LNPEP: variants seen among roughly 807,000 people sequenced by gnomAD.
LNPEP encodes the protein leucyl-cystinyl aminopeptidase.
In LNPEP, 64 loss-of-function variants were observed where a neutral mutation model predicts 120.6. The ratio of observed to expected loss-of-function variants is 0.53; its 90% confidence interval spans 0.43 to 0.65. The LOEUF (loss-of-function observed/expected upper bound fraction) is 0.65. Among genes scored for constraint, LNPEP ranks in the 30% least tolerant of loss-of-function variants. The pLI is 0.00. For missense variants in LNPEP, 1,057 were observed against 1,200.0 expected (o/e 0.88, Z 1.76); for synonymous variants, 435 against 425.4 (o/e 1.02, Z -0.28).
rs559815345 is a variant in LNPEP at position 96,970,141 on chromosome 5, G to C, written c.20-8997G>C. On this transcript the variant is annotated intron_variant, in intron 1 of 17. Transcript: ENST00000231368. ...TTCCATCTTGGTGAATGTTTCATAT[G>C]TATTTCTGCAGTTGTTTGATTTTAT... Among the ~76,000 whole-genome samples, 52 of 151,934 alleles carry C rather than the reference G, an allele frequency of 3.4e-4. 1 individual carries two copies. The South Asian group carries it at 0.01, about 30-fold the overall frequency.
intron 1 of LNPEP, among the ~76,000 whole-genome samples, chr5:96,950,208 A>G (rs1160857723): frequency 1.3e-5 from 2 of 152,200 alleles, no homozygotes; most frequent in African/African-American, 4.8e-5. Flanking sequence ...TTTCAAAATC[A>G]ACATTAAAGA....
At chr5:97,026,536 C>A in intron 15 of LNPEP, 81 bp from the exon 16 acceptor site, 1 of 1,101,302 alleles carries the variant, frequency 9.1e-7, no homozygotes, top group Non-Finnish European at 1.3e-6. Flanking sequence ...AATTAGGAAA[C>A]CATACTAATT....
At chr5:97,008,337 GTTTTTTTTTTTTTTTTT>G (rs781727347) in intron 11 of LNPEP, among the ~76,000 whole-genome samples, 2 of 59,824 alleles carry the variant, frequency 3.3e-5, no homozygotes, top group African/African-American at 7.5e-5. Flanking sequence ...GTTTTTTCTT[GTTTTTTTTTTTTTTTTT>G]TTTTTTTTTT....
chr5:97,025,874 T>C (rs1304149197), intron 15 of LNPEP, among the ~76,000 whole-genome samples: 1 of 152,224 alleles, frequency 6.6e-6, no homozygotes, highest in East Asian at 1.9e-4. Flanking sequence ...GGCCCTATCA[T>C]AATTTATTTA....
intron 3 of LNPEP, among the ~76,000 whole-genome samples, chr5:96,985,970 A>G (rs918950935): frequency 2.6e-5 from 4 of 152,124 alleles, no homozygotes; most frequent in African/African-American, 9.7e-5. Flanking sequence ...ATCTTTCTCT[A>G]AAGAGGCAGA....
At chr5:96,954,612 CTCTCTCTA>C (rs1185111515) in intron 1 of LNPEP, among the ~76,000 whole-genome samples, 2 of 104,878 alleles carry the variant, frequency 1.9e-5, no homozygotes, top group Non-Finnish European at 4.3e-5. Flanking sequence ...CTCTCTCTCT[CTCTCTCTA>C]TATATATATA....
intron 1 of LNPEP, among the ~76,000 whole-genome samples, chr5:96,949,640 T>A (rs1301686801): frequency 6.6e-6 from 1 of 152,220 alleles, no homozygotes; most frequent in Non-Finnish European, 1.5e-5. Context: ...CATGGTGCCT[T>A]CAAGAAAATG....
chr5:97,019,364 A>AT (rs1791136579), intron 13 of LNPEP, among the ~76,000 whole-genome samples: 12 of 152,182 alleles, frequency 7.9e-5, no homozygotes, highest in Admixed American at 7.9e-4. Flanking sequence ...TTTGAAGCAC[A>AT]TGCTATGCCT....
At position 97,013,656 on chromosome 5, in the gene LNPEP, A is replaced by G; in HGVS notation, c.2044A>G (p.Asn682Asp). Residue 682 changes from asparagine to aspartate, a missense_variant, in exon 12 of 18, where the codon AAT becomes GAT. Asn to Asp is a conservative substitution (Grantham distance 23). Coordinates refer to ENST00000231368, the MANE Select transcript of LNPEP (RefSeq NM_005575.3). ...TTTTTGGTTTCCATTAGGTGTCATCAATCTTACAGAAGAAGTGCTGTGGGT... is the reference window on the plus strand; with the variant it reads ...TTTTTGGTTTCCATTAGGTGTCATCGATCTTACAGAAGAAGTGCTGTGGGT... ...SLLDKKSGVI[N>D]LTEEVLWVKV... 1 of 1,529,372 alleles carries G rather than the reference A, an allele frequency of 6.5e-7. No homozygotes were observed. Among genetic ancestry groups the G allele is most frequent in the Non-Finnish European group, 8.8e-7 (1 of 1,137,180 alleles). The allele number at this position is 1,529,372 out of a possible 1,614,324, so 94.7% of individuals were successfully genotyped here.
At chr5:96,936,198 G>C (rs1337708053) in intron 1 of LNPEP, 24 bp downstream of exon 1, 2 of 1,431,656 alleles carry the variant, frequency 1.4e-6, no homozygotes, top group South Asian at 1.4e-5. Context: ...CGAGGCGCCG[G>C]GACCCGGGCT....
In LNPEP at chr5:97,006,065, T is replaced by TA. The variant is rs781545637; in HGVS notation, c.1786-8_1786-7insA. On this transcript the variant is annotated splice_polypyrimidine_tract_variant and splice_region_variant and intron_variant, in intron 9 of 17. Transcript: ENST00000231368. ...AAAGTTTTATATATATATATATATATTTTGTAGGTCACAAACCAAACACTA... is the reference window on the plus strand; with the variant it reads ...AAAGTTTTATATATATATATATATATATTTGTAGGTCACAAACCAAACACTA... 38 of 1,199,118 alleles carry TA rather than the reference T, an allele frequency of 3.2e-5. No homozygotes were observed. Among genetic ancestry groups the TA allele is most frequent in the Non-Finnish European group, 3.6e-5 (32 of 896,808 alleles). The allele number at this position is 1,199,118 out of a possible 1,614,324, so 74.3% of individuals were successfully genotyped here.
Position 96,940,926 on chromosome 5 carries a change from A to C in LNPEP, c.19+4752A>C, listed in dbSNP as rs576029331. ...GTATGTATACTTTCTAGTTTGTGAT[A>C]TATTCTAAAGGGGAGAAGGTTTGGG... On this transcript the variant is annotated intron_variant, in intron 1 of 17. Transcript: ENST00000231368. Among the ~76,000 whole-genome samples, 83 of 152,312 alleles carry C rather than the reference A, an allele frequency of 5.4e-4. No individual in the cohort carries two copies. In the South Asian group the frequency reaches 0.017, roughly 31 times the overall value.
chr5:97,022,264 A>G (rs368683471), intron 13 of LNPEP, 36 bp from the exon 14 acceptor site: 10 of 1,268,870 alleles, frequency 7.9e-6, no homozygotes, highest in Non-Finnish European at 1.1e-5. Flanking sequence ...TGTCCTAATT[A>G]TTATGAAGCC....
rs1174636874 is a variant in LNPEP, at chr5:97,035,910, G to T, written c.*7377G>T. The T allele has an allele frequency of 6.6e-6, 1 of 152,198 alleles. No individual in the cohort carries two copies. The highest frequency in any genetic ancestry group is 1.5e-5 in the Non-Finnish European group (1 of 68,028). 9.4% of individuals were successfully genotyped at this position (152,198 alleles called of 1,614,324 possible). On this transcript the variant is annotated 3_prime_UTR_variant, in exon 18 of 18. Coordinates refer to ENST00000231368, the MANE Select transcript of LNPEP (RefSeq NM_005575.3). ...ATGTTGATTCAGATTGAATGAGGTAGTGAAAAGGGACCTGTGCTTTTGTAA... is the reference window on the plus strand; with the variant it reads ...ATGTTGATTCAGATTGAATGAGGTATTGAAAAGGGACCTGTGCTTTTGTAA...
intron 1 of LNPEP, 99 bp downstream of exon 1, chr5:96,936,273 A>G (rs1788864887): frequency 9.7e-7 from 1 of 1,036,064 alleles, no homozygotes; most frequent in Non-Finnish European, 1.3e-6. Context: ...CGTCTCCCCC[A>G]ACACCGCGGG....
chr5:97,029,680 CTTTGAA>C lies in LNPEP; in HGVS notation c.*1151_*1156del, dbSNP rs146701848. The stretch of plus-strand genomic sequence containing the variant: ...TTGAATTCGTGTTTAGTATGGTGGG[CTTTGAA>C]TTTTTTTCACTATCAAAAATAGTGC... On this transcript the variant is annotated 3_prime_UTR_variant, in exon 18 of 18. Transcript: ENST00000231368. 706 of 152,160 alleles carry C rather than the reference CTTTGAA, an allele frequency of 4.6e-3. 4 individuals are homozygous for C. Among genetic ancestry groups the C allele is most frequent in the African/African-American group, 0.016 (680 of 41,504 alleles). 9.4% of individuals were successfully genotyped at this position (152,160 alleles called of 1,614,324 possible). A position where few individuals can be genotyped will look rare whatever the true frequency, so the allele number is the denominator to read the frequency against.
chr5:97,015,899 CA>C (rs886572856), intron 13 of LNPEP, among the ~76,000 whole-genome samples: 5 of 152,046 alleles, frequency 3.3e-5, no homozygotes, highest in Admixed American at 1.3e-4. Context: ...ATTTTTTTAA[CA>C]TTTTTTTTAT....
At chr5:96,949,932 C>T (rs1789285800) in intron 1 of LNPEP, among the ~76,000 whole-genome samples, 1 of 152,206 alleles carries the variant, frequency 6.6e-6, no homozygotes, top group Non-Finnish European at 1.5e-5. Flanking sequence ...CCCTCCCTCC[C>T]TCCTTTCCTT....
intron 11 of LNPEP, chr5:97,010,405 C>T (rs1414301992): frequency 1.0e-6 from 1 of 984,122 alleles, no homozygotes; most frequent in Non-Finnish European, 1.2e-6. Flanking sequence ...AAATATTTAT[C>T]ATGTGCCATT....
Sources: allele counts gnomAD v4.1 joint callset (sites outside exome capture counted in the v4.1 genomes callset), GRCh38; gene constraint gnomAD v4.1.1; transcripts MANE v1.5; gene names NCBI Gene and HGNC (gene_info 2026-07-23, HGNC 2026-07-21).